COMMD1: variants seen among roughly 807,000 people sequenced by gnomAD.
COMMD1 encodes the protein copper metabolism domain containing 1.
Under a neutral mutation model 17.2 loss-of-function variants are expected in COMMD1, and 10 were observed. The observed-to-expected ratio is 0.58, with a 90% CI of 0.36 to 0.99. The LOEUF is 0.99. Among genes scored for constraint, COMMD1 ranks in the 50% least tolerant of loss-of-function variants. The pLI, the probability that COMMD1 is intolerant of heterozygous loss-of-function variation, is 0.01. For missense variants in COMMD1, 270 were observed against 231.8 expected, an observed-to-expected ratio of 1.17 and a Z score of -1.07; for synonymous variants, 97 against 91.6, an observed-to-expected ratio of 1.06 and a Z score of -0.34.
chr2:61,971,129 G>A (rs183067306), intron 1 of COMMD1, among the ~76,000 whole-genome samples: 1 of 152,272 alleles, frequency 6.6e-6, no homozygotes, highest in East Asian at 1.9e-4. Context: ...TAGGGATAGC[G>A]CTCAAAATCC....
In COMMD1 at chr2:62,090,043, T is replaced by C. The variant is rs377568256; in HGVS notation, c.463-45788T>C. Among the ~76,000 whole-genome samples the C allele has an allele frequency of 2.7e-5, 4 of 149,758 alleles. No homozygotes were observed. The East Asian group carries it at 5.9e-4, about 22-fold the overall frequency. ...GAGGACACAGTCTAACCTGATGTAA[T>C]AGCCAATAGTTTAAGGGGTGAGATG... On this transcript the variant is annotated intron_variant, in intron 2 of 2. Transcript: ENST00000311832.
chr2:61,967,926 C>T (rs1010062119), intron 1 of COMMD1, among the ~76,000 whole-genome samples: 1 of 152,134 alleles, frequency 6.6e-6, no homozygotes, highest in South Asian at 2.1e-4. Flanking sequence ...TTTGGAAGGC[C>T]AAGGCTGGCA....
At chr2:61,944,197 A>G (rs528658530) in intron 1 of COMMD1, among the ~76,000 whole-genome samples, 156 of 152,226 alleles carry the variant, frequency 1.0e-3, no homozygotes, top group African/African-American at 3.4e-3. Context: ...TATGCCTATA[A>G]TCCTAGCACT....
intron 1 of COMMD1, among the ~76,000 whole-genome samples, chr2:61,963,190 T>C (rs572481350): frequency 9.6e-4 from 131 of 136,370 alleles, no homozygotes; most frequent in Middle Eastern, 7.3e-3. Context: ...ATATATTATA[T>C]ACACACACAC....
At chr2:61,928,932 A>G (rs1041253619) in intron 1 of COMMD1, among the ~76,000 whole-genome samples, 1 of 152,202 alleles carries the variant, frequency 6.6e-6, no homozygotes, top group Non-Finnish European at 1.5e-5. Flanking sequence ...AGAAATAAGG[A>G]TTATAACCTG....
intron 2 of COMMD1, among the ~76,000 whole-genome samples, chr2:62,033,759 A>C (rs977396543): frequency 6.6e-6 from 1 of 152,104 alleles, no homozygotes; most frequent in Non-Finnish European, 1.5e-5. Context: ...AAACTCATCA[A>C]ATGGTGTGAC....
chr2:62,047,660 G>A (rs1670417511), intron 2 of COMMD1, among the ~76,000 whole-genome samples: 1 of 151,874 alleles, frequency 6.6e-6, no homozygotes, highest in African/African-American at 2.4e-5. Flanking sequence ...TCACTGTGTT[G>A]GCCAGGCTGG....
intron 2 of COMMD1, among the ~76,000 whole-genome samples, chr2:62,042,925 C>T (rs141398598): frequency 6.6e-6 from 1 of 152,166 alleles, no homozygotes; most frequent in African/African-American, 2.4e-5. Context: ...ATTGAAATAA[C>T]GTCTTTTATT....
At chr2:62,063,622 G>A (rs1027279837) in intron 2 of COMMD1, among the ~76,000 whole-genome samples, 1 of 151,646 alleles carries the variant, frequency 6.6e-6, no homozygotes, top group South Asian at 2.1e-4. Flanking sequence ...ATTACTTTTC[G>A]GTAAAAAATT....
intron 1 of COMMD1, among the ~76,000 whole-genome samples, chr2:61,939,611 ACT>A (rs1306588925): frequency 1.3e-5 from 2 of 152,142 alleles, no homozygotes; most frequent in African/African-American, 2.4e-5. Context: ...GTTCTAAAAG[ACT>A]CTTACTGAAC....
At chr2:62,021,996 A>T (rs1274347327) in intron 2 of COMMD1, among the ~76,000 whole-genome samples, 1 of 151,762 alleles carries the variant, frequency 6.6e-6, no homozygotes, top group African/African-American at 2.4e-5. Context: ...ATAAACTCCT[A>T]TTTTTTTTTG....
At chr2:61,931,413 T>A (rs1405926765) in intron 1 of COMMD1, among the ~76,000 whole-genome samples, 4 of 152,094 alleles carry the variant, frequency 2.6e-5, no homozygotes, top group Admixed American at 2.6e-4. Flanking sequence ...TGGAAGTCCT[T>A]TGGATGCTGA....
chr2:61,986,149 A>G (rs1672098761), intron 1 of COMMD1, among the ~76,000 whole-genome samples: 1 of 151,668 alleles, frequency 6.6e-6, no homozygotes, highest in African/African-American at 2.4e-5. Context: ...CTATTCTGGT[A>G]TAAAGTTTTT....
chr2:61,934,292 T>C (rs1282584688), intron 1 of COMMD1, among the ~76,000 whole-genome samples: 1 of 152,162 alleles, frequency 6.6e-6, no homozygotes, highest in Non-Finnish European at 1.5e-5. Context: ...TCATAAAGAA[T>C]GAACCATGGG....
upstream of COMMD1, among the ~76,000 whole-genome samples, chr2:61,901,937 G>A (rs913602469): frequency 1.3e-5 from 2 of 151,914 alleles, no homozygotes; most frequent in Non-Finnish European, 2.9e-5. Context: ...GGGTTCAAGC[G>A]ATTCTCCTGC....
chr2:61,917,980 A>G (rs975874245), intron 1 of COMMD1, among the ~76,000 whole-genome samples: 1 of 152,210 alleles, frequency 6.6e-6, no homozygotes, highest in African/African-American at 2.4e-5. Flanking sequence ...TTTAGGTTTC[A>G]TTTGTATTCT....
At chr2:61,958,087 G>C (rs1180066507) in intron 1 of COMMD1, among the ~76,000 whole-genome samples, 1 of 152,118 alleles carries the variant, frequency 6.6e-6, no homozygotes, top group African/African-American at 2.4e-5. Flanking sequence ...AGGTAAACTT[G>C]TGTCATGGGG....
rs115421533 is a variant in COMMD1 at position 61,912,123 on chromosome 2, A to T, written c.180+6265A>T. Among the ~76,000 whole-genome samples, 658 of 152,228 alleles carry T rather than the reference A, an allele frequency of 4.3e-3. 2 individuals carry two copies. The highest frequency in any genetic ancestry group is 0.015 in the African/African-American group (627 of 41,542). ...CCTGAAATTATATTATGTATTTATC[A>T]GCTTATTTATTTGTTAACTATTCTA... is the stretch of plus-strand genomic sequence containing the variant. On this transcript the variant is annotated intron_variant, in intron 1 of 2. Coordinates refer to ENST00000311832, the MANE Select transcript of COMMD1 (RefSeq NM_152516.4).
At chr2:62,098,509 T>C (rs1026924186) in intron 2 of COMMD1, among the ~76,000 whole-genome samples, 1 of 152,178 alleles carries the variant, frequency 6.6e-6, no homozygotes, top group East Asian at 1.9e-4. Context: ...CCAAGCCACA[T>C]TATTCCTCTT....
Sources: gnomAD v4.1 joint callset for allele counts (sites outside exome capture counted in the v4.1 genomes callset) on GRCh38, gnomAD v4.1.1 for gene constraint, MANE v1.5 for transcripts, NCBI Gene and HGNC (gene_info 2026-07-23, HGNC 2026-07-21) for gene names.